The following DKK3 variants were observed in gnomAD, a reference collection of about 807,000 sequenced individuals.
DKK3 encodes dickkopf Wnt signaling pathway inhibitor 3.
DKK3 carries 22 observed loss-of-function variants against 33.2 expected under a neutral mutation model. The ratio of observed to expected loss-of-function variants is 0.66; its 90% CI spans 0.47 to 0.95. The LOEUF (loss-of-function observed/expected upper bound fraction) is 0.95, where lower values mean the gene tolerates loss of function less well. Ranked by LOEUF, DKK3 falls within the 40% of genes least tolerant of loss-of-function variation. The pLI, the probability that DKK3 is intolerant of heterozygous loss-of-function variation, is 0.00. For missense variants in DKK3, 398 were observed against 458.4 expected (o/e 0.87, Z 1.20); for synonymous variants, 194 against 188.8 (o/e 1.03, Z -0.23).
chr11:11,980,432 C>G (rs1259175554), intron 3 of DKK3, among the ~76,000 whole-genome samples: 1 of 152,202 alleles, frequency 6.6e-6, no homozygotes, highest in Non-Finnish European at 1.5e-5. Flanking sequence ...CTGTCTCCAC[C>G]TACTCCAGCA....
intron 3 of DKK3, among the ~76,000 whole-genome samples, chr11:11,979,276 T>C (rs910628763): frequency 6.6e-6 from 1 of 152,200 alleles, no homozygotes; most frequent in African/African-American, 2.4e-5. Context: ...TGCTGCTGTA[T>C]CTGCTCAGGG....
At chr11:11,993,377 A>AT (rs80030298) in intron 3 of DKK3, among the ~76,000 whole-genome samples, 5,400 of 151,712 alleles carry the variant, frequency 0.036, 230 homozygotes, top group East Asian at 0.17. Flanking sequence ...CTGTTCTGCA[A>AT]TTTTTTTTCA....
At chr11:12,007,906 G>C (rs1289188629) in intron 1 of DKK3, among the ~76,000 whole-genome samples, 2 of 152,218 alleles carry the variant, frequency 1.3e-5, no homozygotes, top group Non-Finnish European at 2.9e-5. Flanking sequence ...TGCCAGCAAA[G>C]CTCAGGGCTC....
chr11:11,977,906 G>A (rs971259979), intron 3 of DKK3, among the ~76,000 whole-genome samples: 1 of 152,176 alleles, frequency 6.6e-6, no homozygotes, highest in African/African-American at 2.4e-5. Context: ...GATTAAAGGA[G>A]ATTTAGCCAA....
At chr11:11,988,692 A>G (rs375294258) in intron 3 of DKK3, among the ~76,000 whole-genome samples, 1 of 152,162 alleles carries the variant, frequency 6.6e-6, no homozygotes, top group Admixed American at 6.5e-5. Flanking sequence ...TGGAGGGGTA[A>G]GGGTGGGGCT....
At chr11:12,006,936 C>T (rs1848548817) in intron 1 of DKK3, among the ~76,000 whole-genome samples, 1 of 152,186 alleles carries the variant, frequency 6.6e-6, no homozygotes. Flanking sequence ...GCAAACTCCA[C>T]TTAATTTGAA....
intron 1 of DKK3, among the ~76,000 whole-genome samples, chr11:12,007,504 A>T (rs1848561825): frequency 6.6e-6 from 1 of 152,148 alleles, no homozygotes; most frequent in Admixed American, 6.5e-5. Context: ...TGCGTGGGTG[A>T]CCATCACAGA....
chr11:11,974,659 T>C (rs1293778092), intron 3 of DKK3, among the ~76,000 whole-genome samples: 2 of 152,148 alleles, frequency 1.3e-5, no homozygotes, highest in South Asian at 2.1e-4. Context: ...AAATGGAAAT[T>C]GAATTTCAAC....
intron 2 of DKK3, among the ~76,000 whole-genome samples, chr11:11,999,633 C>T (rs111328609): frequency 1.0e-5 from 1 of 96,940 alleles, no homozygotes; most frequent in South Asian, 3.7e-4. Flanking sequence ...ATCTCAAAAA[C>T]AAACAAACAA....
chr11:11,964,624 A>T lies in DKK3; in HGVS notation c.893T>A (p.Ile298Asn), dbSNP rs1847539050. ...ATCGGGGACCTCTCTGGGCAGCAGGATCTCCCCATCTTGGTCACGGCTCCC... is the reference window on the plus strand; with the variant it reads ...ATCGGGGACCTCTCTGGGCAGCAGGTTCTCCCCATCTTGGTCACGGCTCCC... ...FVGSRDQDGE[I>N]LLPREVPDEY... is the part of the protein sequence containing the mutation. The change falls in exon 7 of 7, where the codon ATC becomes AAC. Residue 298 changes from isoleucine to asparagine, a missense_variant. Coordinates refer to ENST00000683431, the MANE Select transcript of DKK3 (RefSeq NM_001018057.2). 1 of 1,613,978 alleles carries T rather than the reference A, an allele frequency of 6.2e-7. No homozygotes were observed. Among genetic ancestry groups the T allele is most frequent in the South Asian group, 1.1e-5 (1 of 91,082 alleles).
chr11:12,002,590 A>G (rs1590556678), intron 1 of DKK3, among the ~76,000 whole-genome samples, 153 bp from the exon 2 acceptor site: 1 of 152,306 alleles, frequency 6.6e-6, no homozygotes, highest in East Asian at 1.9e-4. Context: ...ATGATAAGAT[A>G]TTATACTAAA....
Position 11,964,686 on chromosome 11 carries a change from G to C in DKK3, c.831C>G (p.Ser277Arg). 2 of 1,612,830 alleles carry C rather than the reference G, an allele frequency of 1.2e-6. No homozygotes were observed. The highest frequency in any genetic ancestry group is 1.7e-6 in the Non-Finnish European group (2 of 1,179,646). Residue 277 changes from serine (S) to arginine (R), a missense_variant and splice_region_variant, in exon 7 of 7, where the codon AGC (serine) becomes AGG (arginine). Coordinates refer to ENST00000683431, the MANE Select transcript of DKK3 (RefSeq NM_001018057.2). ...GCTTGCACACATACACCAGGCTGTGGCTGGGGAGAGATGGGACAAAGCCAG... is the reference window on the plus strand; with the variant it reads ...GCTTGCACACATACACCAGGCTGTGCCTGGGGAGAGATGGGACAAAGCCAG... Reference protein sequence around the residue: ...CASGLLCQPHSHSLVYVCKPT... With the variant: ...CASGLLCQPHRHSLVYVCKPT...
intron 1 of DKK3, among the ~76,000 whole-genome samples, chr11:12,007,916 C>G (rs1391031429): frequency 2.0e-5 from 3 of 152,242 alleles, no homozygotes; most frequent in Non-Finnish European, 4.4e-5. Flanking sequence ...GCTCAGGGCT[C>G]TTTGCCTCTT....
intron 3 of DKK3, among the ~76,000 whole-genome samples, chr11:11,997,196 C>T (rs772482756): frequency 1.1e-4 from 16 of 152,320 alleles, no homozygotes; most frequent in Middle Eastern, 3.4e-3. Flanking sequence ...CCCCAGAGCA[C>T]GGCTGTACCA....
At chr11:11,985,558 G>A (rs976113260) in intron 3 of DKK3, among the ~76,000 whole-genome samples, 1 of 152,202 alleles carries the variant, frequency 6.6e-6, no homozygotes, top group African/African-American at 2.4e-5. Context: ...ATTTTGCAAG[G>A]CAGTGTTCAG....
At chr11:11,976,836 T>C (rs895068802) in intron 3 of DKK3, among the ~76,000 whole-genome samples, 9 of 152,204 alleles carry the variant, frequency 5.9e-5, no homozygotes, top group African/African-American at 1.9e-4. Flanking sequence ...AGAGTCCTTT[T>C]TTGACCTTAA....
chr11:11,977,168 C>T (rs1310376036), intron 3 of DKK3, among the ~76,000 whole-genome samples: 3 of 152,196 alleles, frequency 2.0e-5, no homozygotes, highest in African/African-American at 2.4e-5. Flanking sequence ...AATGCACCCC[C>T]GAGCAGAGCT....
chr11:12,007,703 A>G (rs1848566105), intron 1 of DKK3, among the ~76,000 whole-genome samples: 1 of 152,162 alleles, frequency 6.6e-6, no homozygotes, highest in Admixed American at 6.5e-5. Flanking sequence ...ATATTAAGTG[A>G]TTTGCCCAAT....
intron 3 of DKK3, among the ~76,000 whole-genome samples, chr11:11,989,224 A>G (rs986317743): frequency 1.3e-5 from 2 of 152,256 alleles, no homozygotes; most frequent in Admixed American, 1.3e-4. Flanking sequence ...AAGTGAAAGC[A>G]TTTGATATGA....
Sources: allele counts gnomAD v4.1 joint callset (sites outside exome capture counted in the v4.1 genomes callset), GRCh38; gene constraint gnomAD v4.1.1; transcripts MANE v1.5; gene names NCBI Gene and HGNC (gene_info 2026-07-23, HGNC 2026-07-21).